FRMD6: variants seen among roughly 807,000 people sequenced by gnomAD.
FRMD6 encodes FERM domain-containing protein 6.
In FRMD6, 37 loss-of-function variants were observed where a neutral mutation model predicts 73.2. The ratio of observed to expected loss-of-function variants is 0.51; its 90% CI spans 0.39 to 0.66. The LOEUF (loss-of-function observed/expected upper bound fraction) is 0.66. Ranked by LOEUF, FRMD6 falls within the 30% of genes least tolerant of loss-of-function variation. FRMD6 has a pLI of 0.00. For missense variants in FRMD6, 714 were observed against 780.5 expected (o/e 0.91, Z 1.02); for synonymous variants, 273 against 282.2 (o/e 0.97, Z 0.33).
At chr14:51,593,446 A>G (rs1221367325) in intron 2 of FRMD6, among the ~76,000 whole-genome samples, 1 of 152,222 alleles carries the variant, frequency 6.6e-6, no homozygotes, top group East Asian at 1.9e-4. Flanking sequence ...TAAAATAAAA[A>G]CTTACTTGCC....
the FRMD6 span, among the ~76,000 whole-genome samples, chr14:51,475,520 T>G: frequency 1.3e-5 from 2 of 152,232 alleles, no homozygotes; most frequent in Admixed American, 1.3e-4. Flanking sequence ...TCTTTTCCTC[T>G]CTACATACAG....
chr14:51,617,002 A>T (rs1890742224), intron 2 of FRMD6, among the ~76,000 whole-genome samples: 1 of 152,208 alleles, frequency 6.6e-6, no homozygotes, highest in Non-Finnish European at 1.5e-5. Context: ...ACAAAAAGCC[A>T]GTATATGGTT....
intron 2 of FRMD6, among the ~76,000 whole-genome samples, chr14:51,690,635 G>A (rs927808327): frequency 6.6e-6 from 1 of 152,168 alleles, no homozygotes; most frequent in Admixed American, 6.5e-5. Flanking sequence ...ATCCGCGTCA[G>A]CCTCCCATAG....
the FRMD6 span, among the ~76,000 whole-genome samples, chr14:51,475,764 C>G: frequency 2.0e-5 from 3 of 152,122 alleles, no homozygotes; most frequent in Non-Finnish European, 4.4e-5. Flanking sequence ...TTTTCCCAAA[C>G]TTTTTGCCAA....
intron 4 of FRMD6, among the ~76,000 whole-genome samples, chr14:51,702,246 C>T (rs750339825): frequency 8.6e-5 from 13 of 151,910 alleles, no homozygotes; most frequent in Non-Finnish European, 1.3e-4. Flanking sequence ...TTTATCTTCC[C>T]TTATGTTGTC....
chr14:51,461,125 T>C, the FRMD6 span, among the ~76,000 whole-genome samples: 1 of 152,224 alleles, frequency 6.6e-6, no homozygotes, highest in Non-Finnish European at 1.5e-5. Flanking sequence ...ACAAGAGCTG[T>C]GTATATCTTT....
At chr14:51,719,652 G>A (rs1210345894) in intron 10 of FRMD6, among the ~76,000 whole-genome samples, 6 of 152,128 alleles carry the variant, frequency 3.9e-5, no homozygotes, top group Non-Finnish European at 4.4e-5. Flanking sequence ...ATATGCTATG[G>A]ATACTTTCGC....
At chr14:51,602,100 G>T (rs928888134) in intron 2 of FRMD6, among the ~76,000 whole-genome samples, 1 of 152,220 alleles carries the variant, frequency 6.6e-6, no homozygotes, top group African/African-American at 2.4e-5. Context: ...CTCAAAGGGA[G>T]AGTTGATCCC....
At chr14:51,439,460 A>G in the FRMD6 span, among the ~76,000 whole-genome samples, 1 of 152,232 alleles carries the variant, frequency 6.6e-6, no homozygotes, top group Non-Finnish European at 1.5e-5. Flanking sequence ...CCAAGTAGGT[A>G]CGTCAGTCTT....
At chr14:51,685,529 A>G (rs1282518195) in intron 1 of FRMD6, among the ~76,000 whole-genome samples, 4 of 152,236 alleles carry the variant, frequency 2.6e-5, no homozygotes, top group Non-Finnish European at 5.9e-5. Flanking sequence ...ATGAACAAAA[A>G]CAGAACTCAT....
At chr14:51,680,179 G>C (rs1339863067) in intron 1 of FRMD6, among the ~76,000 whole-genome samples, 1 of 152,166 alleles carries the variant, frequency 6.6e-6, no homozygotes, top group African/African-American at 2.4e-5. Flanking sequence ...TCTGTAACCA[G>C]GCTTCTCATC....
intron 2 of FRMD6, among the ~76,000 whole-genome samples, chr14:51,607,826 T>A (rs1421095027): frequency 6.6e-6 from 1 of 152,190 alleles, no homozygotes; most frequent in Non-Finnish European, 1.5e-5. Flanking sequence ...TTCTGCCGAG[T>A]GCCACGCTGT....
chr14:51,672,417 C>T (rs549490833), intron 1 of FRMD6, among the ~76,000 whole-genome samples: 1 of 152,288 alleles, frequency 6.6e-6, no homozygotes, highest in East Asian at 1.9e-4. Flanking sequence ...TAGGCATTCA[C>T]CCTACAGTCC....
intron 12 of FRMD6, among the ~76,000 whole-genome samples, chr14:51,722,901 A>G (rs1594787411): frequency 6.6e-6 from 1 of 152,330 alleles, no homozygotes; most frequent in East Asian, 1.9e-4. Flanking sequence ...ATGTTCATCG[A>G]GCCTCCTCCT....
intron 10 of FRMD6, 102 bp from the exon 11 acceptor site, chr14:51,719,953 T>C: frequency 1.2e-6 from 1 of 835,654 alleles, no homozygotes; most frequent in South Asian, 1.8e-5. Context: ...AATCACTAGA[T>C]TCTGAATTTG....
At position 51,622,004 on chromosome 14, in the gene FRMD6, C is replaced by T. The variant is rs1890945723; in HGVS notation, c.-147+51594C>T. On this transcript the variant is annotated intron_variant, in intron 2 of 14. Transcript: ENST00000356218. ...GCAACAGGCATAACCCGAGACTGTT[C>T]TGGCAAACCAGGACTTTTATCCAAG... Among the ~76,000 whole-genome samples, 4 of 152,350 alleles carry T rather than the reference C, an allele frequency of 2.6e-5. No individual in the cohort carries two copies. In the South Asian group the frequency reaches 8.3e-4, roughly 32 times the overall value.
At chr14:51,495,952 T>C (rs142669528) in intron 1 of FRMD6, among the ~76,000 whole-genome samples, 2 of 152,328 alleles carry the variant, frequency 1.3e-5, no homozygotes, top group East Asian at 3.9e-4. Flanking sequence ...CTAATGATGA[T>C]ATTAGTACCC....
intron 4 of FRMD6, among the ~76,000 whole-genome samples, 186 bp downstream of exon 4, chr14:51,701,345 T>C (rs1896297821): frequency 1.3e-5 from 1 of 77,398 alleles, no homozygotes; most frequent in Non-Finnish European, 2.4e-5. Flanking sequence ...AACTTATAAT[T>C]TTCTTTTCCC....
the FRMD6 span, among the ~76,000 whole-genome samples, chr14:51,446,720 T>C: frequency 2.6e-5 from 4 of 152,172 alleles, no homozygotes; most frequent in Admixed American, 6.5e-5. Flanking sequence ...ACTAGTGAAG[T>C]TTACAGTGCA....
Sources: gnomAD v4.1 joint callset for allele counts (sites outside exome capture counted in the v4.1 genomes callset) on GRCh38, gnomAD v4.1.1 for gene constraint, MANE v1.5 for transcripts, NCBI Gene and HGNC (gene_info 2026-07-23, HGNC 2026-07-21) for gene names.